Variants in RASGEF1B observed in about 807,000 individuals in gnomAD.
RASGEF1B encodes the protein RasGEF domain family member 1B.
RASGEF1B carries 30 observed loss-of-function variants against 65.7 expected under a neutral mutation model. The observed-to-expected ratio is 0.46, with a 90% CI of 0.34 to 0.62. The LOEUF is 0.62. Ranked by LOEUF, RASGEF1B falls within the 20% of genes least tolerant of loss-of-function variation. RASGEF1B has a pLI of 0.01. For synonymous variants in RASGEF1B, 175 were observed against 194.8 expected, an observed-to-expected ratio of 0.90 and a Z score of 0.85; for missense variants, 495 against 580.1, an observed-to-expected ratio of 0.85 and a Z score of 1.51.
At chr4:81,447,664 C>T (rs1722081173) in intron 5 of RASGEF1B, 86 bp from the exon 6 acceptor site, 4 of 934,106 alleles carry the variant, frequency 4.3e-6, no homozygotes, top group Non-Finnish European at 6.9e-6. Context: ...ATTGGCACCA[C>T]CCCCCATTTT....
In RASGEF1B at chr4:81,457,541, T is replaced by C. The variant is rs749048721; in HGVS notation, c.258A>G (p.Leu86=). ...PYELMAKVCH[L]CVEHQRLSDP... is the part of the protein sequence containing the mutation. ...CACTTAGTCTCTGGTGCTCAACACA[T>C]AAGTGGCAAACTTTGGCCATTAGCT... The change falls in exon 3 of 14, where the codon TTA becomes TTG. Residue 86 remains leucine, a synonymous_variant. Coordinates refer to ENST00000264400, the MANE Select transcript of RASGEF1B (RefSeq NM_152545.3). 6.2e-7 allele frequency: 1 copy of C among 1,614,150 alleles called. No individual in the cohort carries two copies. The highest frequency in any genetic ancestry group is 2.2e-5 in the East Asian group (1 of 44,860).
intron 10 of RASGEF1B, among the ~76,000 whole-genome samples, chr4:81,437,431 A>G (rs1029913793): frequency 3.3e-5 from 5 of 152,216 alleles, no homozygotes; most frequent in African/African-American, 1.2e-4. Flanking sequence ...CCCCAGGGAA[A>G]TAAGAATAAA....
chr4:81,437,324 C>T (rs1721664393), intron 10 of RASGEF1B, among the ~76,000 whole-genome samples: 1 of 152,174 alleles, frequency 6.6e-6, no homozygotes, highest in African/African-American at 2.4e-5. Flanking sequence ...TACTGGAAGA[C>T]AGCCATATTC....
intron 1 of RASGEF1B, among the ~76,000 whole-genome samples, chr4:81,461,256 C>T (rs1722633658): frequency 1.4e-5 from 2 of 141,178 alleles, no homozygotes; most frequent in South Asian, 4.2e-4. Context: ...CTCATAGTGC[C>T]CTCAAACGAG....
intron 13 of RASGEF1B, among the ~76,000 whole-genome samples, chr4:81,429,919 A>T (rs1721362455): frequency 1.3e-5 from 2 of 152,206 alleles, no homozygotes; most frequent in Admixed American, 1.3e-4. Flanking sequence ...GAAGTTTGGC[A>T]GGCGCAGTCG....
chr4:81,427,001 A>G lies in RASGEF1B; in HGVS notation c.*767T>C, dbSNP rs1367692246. Reference sequence around the variant, plus strand: ...AAGAGCAAAAAAAAAAAAAAAAAAAAAAAAAAAAAGTCCTTCTAGCATGTT... The same window carrying G: ...AAGAGCAAAAAAAAAAAAAAAAAAAGAAAAAAAAAGTCCTTCTAGCATGTT... On this transcript the variant is annotated 3_prime_UTR_variant, in exon 14 of 14. Transcript: ENST00000264400. 1.3e-5 allele frequency: 2 copies of G among 151,048 alleles called. No individual in the cohort carries two copies. Among genetic ancestry groups the G allele is most frequent in the African/African-American group, 4.9e-5 (2 of 41,232 alleles). The allele number at this position is 151,048 out of a possible 1,614,324, so 9.4% of individuals were successfully genotyped here. A position where few individuals can be genotyped will look rare whatever the true frequency, so the allele number is the denominator to read the frequency against.
chr4:81,461,454 C>T (rs949955113), intron 1 of RASGEF1B, among the ~76,000 whole-genome samples: 1 of 152,180 alleles, frequency 6.6e-6, no homozygotes, highest in Non-Finnish European at 1.5e-5. Flanking sequence ...AGGAACCACA[C>T]ATTTTCCTTC....
chr4:81,457,500 T>A lies in RASGEF1B; in HGVS notation c.299A>T (p.Lys100Met). 6.2e-7 allele frequency: 1 copy of A among 1,613,976 alleles called. No homozygotes were observed. Among genetic ancestry groups the A allele is most frequent in the South Asian group, 1.1e-5 (1 of 91,038 alleles). ...AAACAAATTGTAATGTACCATTACC[T>A]TATCACTATCAGGATCACTTAGTCT... The part of the protein sequence containing the change: ...HQRLSDPDSD[K>M]NQMRKIAPKI... The change falls in exon 3 of 14, where the codon AAG becomes ATG. Residue 100 changes from lysine to methionine, a missense_variant and splice_region_variant. Transcript: ENST00000264400.
At position 81,466,772 on chromosome 4, in the gene RASGEF1B, AAGAAAGAAAGAAAGAAAG is replaced by A. The variant is rs1244056458; in HGVS notation, c.-7+4980_-7+4997del. ...AGCCTCCATGTCAAAAAAAAAAAAA[AAGAAAGAAAGAAAGAAAG>A]AAAGAAAGAAAGAAAGAAAGAAAGA... On this transcript the variant is annotated intron_variant, in intron 1 of 13. Transcript: ENST00000264400. Among the ~76,000 whole-genome samples the A allele has an allele frequency of 1.1e-4, 13 of 113,496 alleles. 1 individual carries two copies. Among genetic ancestry groups the A allele is most frequent in the South Asian group, 3.3e-4 (1 of 3,060 alleles). 74.5% of individuals were successfully genotyped at this position (113,496 alleles called of 152,430 possible).
intron 8 of RASGEF1B, 101 bp from the exon 9 acceptor site, chr4:81,442,477 A>G: frequency 1.4e-6 from 1 of 717,208 alleles, no homozygotes; most frequent in Admixed American, 2.5e-5. Context: ...TTACTAAGTG[A>G]GAATTCTAAA....
intron 1 of RASGEF1B, among the ~76,000 whole-genome samples, chr4:81,466,013 A>G (rs969226302): frequency 6.6e-6 from 1 of 152,238 alleles, no homozygotes; most frequent in Non-Finnish European, 1.5e-5. Context: ...GATGTTGACC[A>G]TAATATTTTA....
intron 1 of RASGEF1B, among the ~76,000 whole-genome samples, chr4:81,465,930 GT>G (rs1029197671): frequency 6.6e-6 from 1 of 152,146 alleles, no homozygotes; most frequent in Non-Finnish European, 1.5e-5. Context: ...GAAAAAAAAG[GT>G]TTATTTTTTT....
chr4:81,459,178 G>T (rs1281115939), intron 2 of RASGEF1B, 154 bp downstream of exon 2: 4 of 635,922 alleles, frequency 6.3e-6, no homozygotes, highest in Non-Finnish European at 7.9e-6. Context: ...GGCTCGATTT[G>T]ATTTCAATGC....
intron 1 of RASGEF1B, among the ~76,000 whole-genome samples, chr4:81,465,611 A>G (rs1248796122): frequency 2.0e-5 from 3 of 152,234 alleles, no homozygotes; most frequent in African/African-American, 7.2e-5. Context: ...TGGATTTGAA[A>G]GGCATGCCTA....
intron 1 of RASGEF1B, among the ~76,000 whole-genome samples, chr4:81,463,310 T>C (rs1449865383): frequency 6.6e-6 from 1 of 152,198 alleles, no homozygotes. Context: ...GATTCCAATA[T>C]GGACTTTAAA....
rs1252174655 is a variant in RASGEF1B at position 81,456,803 on chromosome 4, CA to C, written c.301-16del. On this transcript the variant is annotated splice_polypyrimidine_tract_variant and intron_variant, in intron 3 of 13. Transcript: ENST00000264400. ...CTCATCTGGTTCTAGGGAGAAATAG[CA>C]AATCTAATTCAGTGATATTTATCAC... 8 of 1,590,632 alleles carry C rather than the reference CA, an allele frequency of 5.0e-6. No individual in the cohort carries two copies. Among genetic ancestry groups the C allele is most frequent in the Non-Finnish European group, 6.8e-6 (8 of 1,168,018 alleles).
intron 8 of RASGEF1B, among the ~76,000 whole-genome samples, chr4:81,443,459 T>A (rs746840125): frequency 2.0e-4 from 30 of 152,178 alleles, no homozygotes; most frequent in Non-Finnish European, 1.5e-5. Context: ...ACCACAGAAA[T>A]CAGAACAGTG....
At chr4:81,440,427 T>A (rs904523593) in intron 10 of RASGEF1B, among the ~76,000 whole-genome samples, 8 of 152,180 alleles carry the variant, frequency 5.3e-5, no homozygotes, top group African/African-American at 1.9e-4. Flanking sequence ...AATAAATGAC[T>A]TAACCATGGG....
At chr4:81,442,197 T>C in intron 9 of RASGEF1B, 100 bp downstream of exon 9, 3 of 793,362 alleles carry the variant, frequency 3.8e-6, no homozygotes, top group East Asian at 2.5e-5. Context: ...GATGGGCTTT[T>C]TCCTCTGTCG....
Sources: allele counts gnomAD v4.1 joint callset (sites outside exome capture counted in the v4.1 genomes callset), GRCh38; gene constraint gnomAD v4.1.1; transcripts MANE v1.5; gene names NCBI Gene and HGNC (gene_info 2026-07-23, HGNC 2026-07-21).